MMP1: variants seen among roughly 807,000 people sequenced by gnomAD.
MMP1 encodes the protein matrix metallopeptidase 1.
A neutral mutation model predicts 49.6 loss-of-function variants in MMP1; 51 were observed. The observed-to-expected ratio is 1.03, with a 90% CI of 0.82 to 1.30. MMP1 has a LOEUF of 1.30. Among genes scored for constraint, MMP1 ranks in the 50% most tolerant of loss-of-function variants. The pLI is 0.00. For synonymous variants in MMP1, 230 were observed against 196.8 expected (o/e 1.17, Z -1.41); for missense variants, 623 against 568.7 (o/e 1.10, Z -0.97).
rs1858256527 is a variant in MMP1 at position 102,798,064 on chromosome 11, A to G, written c.29T>C (p.Leu10Pro). Residue 10 changes from leucine (L) to proline (P), a missense_variant, in exon 1 of 10, where the codon CTG becomes CCG. Transcript: ENST00000315274. ...GTGAGACACCACACCCCAGAACAGC[A>G]GCAGCAGCAGTGGAGGAAAGCTGTG... MHSFPPLLL[L>P]LFWGVVSHSF... The G allele has an allele frequency of 2.5e-6, 4 of 1,612,478 alleles. 1 individual carries two copies. The Admixed American group carries it at 6.7e-5, about 27-fold the overall frequency.
At chr11:102,796,480 C>G (rs1858194245) in intron 4 of MMP1, among the ~76,000 whole-genome samples, 184 bp downstream of exon 4, 1 of 152,182 alleles carries the variant, frequency 6.6e-6, no homozygotes, top group African/African-American at 2.4e-5. Context: ...GTTGTCACTG[C>G]TAAGATGTTG....
At chr11:102,796,826 C>A (rs777151118) in intron 3 of MMP1, 37 bp from the exon 4 acceptor site, 4 of 1,603,900 alleles carry the variant, frequency 2.5e-6, no homozygotes, top group Non-Finnish European at 2.6e-6. Context: ...CCTTGTGGTT[C>A]TTATGTAAGC....
At position 102,798,104 on chromosome 11, in the gene MMP1, T is replaced by C. The variant is rs1452660668; in HGVS notation, c.-12A>G. ...GGAAAGCTGTGCATACTGGCCTTTG[T>C]CTTCTTTCTCAGTGCAAGGTAAGTG... On this transcript the variant is annotated 5_prime_UTR_variant, in exon 1 of 10. Transcript: ENST00000315274. 2 of 1,600,672 alleles carry C rather than the reference T, an allele frequency of 1.2e-6. No homozygotes were observed. Among genetic ancestry groups the C allele is most frequent in the Admixed American group, 1.7e-5 (1 of 59,006 alleles).
chr11:102,791,453 C>G lies in MMP1; in HGVS notation c.1076G>C (p.Gly359Ala), dbSNP rs1858029044. 3 of 1,613,902 alleles carry G rather than the reference C, an allele frequency of 1.9e-6. No homozygotes were observed. Among genetic ancestry groups the G allele is most frequent in the Non-Finnish European group, 2.5e-6 (3 of 1,179,890 alleles). ...GGAGCTGTAGATGTCCTTGGGGTAT[C>G]CGTGTAGCACATTCTGTCCCTGAAC... The part of the protein sequence containing the change: ...WAVQGQNVLH[G>A]YPKDIYSSFG... Residue 359 changes from glycine to alanine, a missense_variant, in exon 8 of 10, where the codon GGA becomes GCA. Coordinates refer to ENST00000315274, the MANE Select transcript of MMP1 (RefSeq NM_002421.4).
At chr11:102,795,416 C>G in intron 5 of MMP1, 36 bp downstream of exon 5, 1 of 1,608,462 alleles carries the variant, frequency 6.2e-7, no homozygotes, top group East Asian at 2.2e-5. Flanking sequence ...TAAAGACCAC[C>G]AGGCCCTTGT....
intron 7 of MMP1, among the ~76,000 whole-genome samples, chr11:102,792,303 T>C (rs1858051946): frequency 6.6e-6 from 1 of 152,210 alleles, no homozygotes; most frequent in South Asian, 2.1e-4. Context: ...TTACTTTGAG[T>C]ACTCCCAGGA....
At chr11:102,797,225 G>T in intron 2 of MMP1, 31 bp downstream of exon 2, 1 of 1,613,692 alleles carries the variant, frequency 6.2e-7, no homozygotes, top group Admixed American at 1.7e-5. Flanking sequence ...ATGGGAAATA[G>T]CTCTCTCACT....
In MMP1 at chr11:102,795,459, G is replaced by C; in HGVS notation, c.774C>G (p.Ala258=). 6.2e-7 allele frequency: 1 copy of C among 1,613,438 alleles called. No individual in the cohort carries two copies. The highest frequency in any genetic ancestry group is 8.5e-7 in the Non-Finnish European group (1 of 1,179,866). ...LAQDDIDGIQ[A]IYGRSQNPVQ... is the part of the protein sequence containing the mutation. ...GTTTTTCCCCATACTCACCATATATGGCTTGGATGCCATCAATGTCATCCT... is the reference window on the plus strand; with the variant it reads ...GTTTTTCCCCATACTCACCATATATCGCTTGGATGCCATCAATGTCATCCT... Residue 258 remains alanine, a synonymous_variant, in exon 5 of 10, where the codon GCC becomes GCG. Transcript: ENST00000315274.
intron 8 of MMP1, 30 bp from the exon 9 acceptor site, chr11:102,790,836 C>G (rs781660659): frequency 2.4e-6 from 3 of 1,275,178 alleles, no homozygotes; most frequent in Non-Finnish European, 3.4e-6. Context: ...GAGTGTCAGA[C>G]CTTTTGCTAA....
intron 6 of MMP1, among the ~76,000 whole-genome samples, chr11:102,794,000 T>G (rs180887597): frequency 2.9e-4 from 44 of 152,356 alleles, no homozygotes; most frequent in Admixed American, 2.5e-3. Context: ...TGGCGACATT[T>G]AAATGATCTC....
At chr11:102,792,917 C>T (rs979786701) in intron 6 of MMP1, among the ~76,000 whole-genome samples, 179 bp from the exon 7 acceptor site, 3 of 152,058 alleles carry the variant, frequency 2.0e-5, no homozygotes, top group Admixed American at 6.6e-5. Flanking sequence ...TTGAAATACT[C>T]CCATTATGAT....
At chr11:102,797,546 A>T (rs777511998) in intron 1 of MMP1, 46 bp from the exon 2 acceptor site, 2 of 1,603,250 alleles carry the variant, frequency 1.2e-6, no homozygotes, top group Non-Finnish European at 1.7e-6. Context: ...AATCTTTCTC[A>T]TTATTCTAAA....
In MMP1 at chr11:102,791,442, C is replaced by A. The variant is rs749993257; in HGVS notation, c.1087G>T (p.Asp363Tyr). Residue 363 changes from aspartate to tyrosine, a missense_variant, in exon 8 of 10, where the codon GAC becomes TAC. Physicochemically the swap from Asp to Tyr is radical, Grantham distance 160. Coordinates refer to ENST00000315274, the MANE Select transcript of MMP1 (RefSeq NM_002421.4). ...GQNVLHGYPK[D>Y]IYSSFGFPRT... is the part of the protein sequence containing the mutation. ...GGGAAGCCAAAGGAGCTGTAGATGTCCTTGGGGTATCCGTGTAGCACATTC... is the reference window on the plus strand; with the variant it reads ...GGGAAGCCAAAGGAGCTGTAGATGTACTTGGGGTATCCGTGTAGCACATTC... 1 of 1,614,020 alleles carries A rather than the reference C, an allele frequency of 6.2e-7. No homozygotes were observed. Among genetic ancestry groups the A allele is most frequent in the Non-Finnish European group, 8.5e-7 (1 of 1,179,874 alleles).
chr11:102,795,165 A>T lies in MMP1; in HGVS notation c.899+9T>A. ...AAATGCAGATCACAAAGAAGAACTG[A>T]CATCTTACCTGTCTTTAAAGAACAT... On this transcript the variant is annotated intron_variant, in intron 6 of 9. Transcript: ENST00000315274. The T allele has an allele frequency of 6.3e-7, 1 of 1,584,806 alleles. No individual in the cohort carries two copies. Among genetic ancestry groups the T allele is most frequent in the Non-Finnish European group, 8.7e-7 (1 of 1,153,538 alleles).
In MMP1 at chr11:102,797,014, C is replaced by G. The variant is rs772321761; in HGVS notation, c.499G>C (p.Asp167His). ...TTAAGGTGCTATAAGAAGAACTTAC[C>G]TCCCCTGACAAAAGATATCATGATG... Reference protein sequence around the residue: ...ADIMISFVRGDHRDNSPFDGP... With the variant: ...ADIMISFVRGHHRDNSPFDGP... The change falls in exon 3 of 10, where the codon GAT becomes CAT. Residue 167 changes from aspartate to histidine, a missense_variant and splice_region_variant. Asp to His is a moderately conservative substitution (Grantham distance 81). Transcript: ENST00000315274. 3 of 1,611,594 alleles carry G rather than the reference C, an allele frequency of 1.9e-6. No homozygotes were observed. The highest frequency in any genetic ancestry group is 1.3e-5 in the African/African-American group (1 of 74,934).
chr11:102,790,451 G>A lies in MMP1; in HGVS notation c.1371C>T (p.Leu457=). 1.9e-6 allele frequency: 3 copies of A among 1,610,744 alleles called. No individual in the cohort carries two copies. Among genetic ancestry groups the A allele is most frequent in the East Asian group, 2.2e-5 (1 of 44,794 alleles). ...FDPKTKRILT[L]QKANSWFNCR... ...AGTTGAACCAGCTATTAGCTTTCTG[G>A]AGAGTCAAAATTCTCTTCGTTTTAG... Residue 457 remains leucine, a synonymous_variant, in exon 10 of 10, where the codon CTC becomes CTT. Coordinates refer to ENST00000315274, the MANE Select transcript of MMP1 (RefSeq NM_002421.4).
rs1371395006 is a variant in MMP1 at position 102,795,206 on chromosome 11, C to A, written c.867G>T (p.Thr289=). The part of the protein sequence containing the change: ...DSKLTFDAIT[T]IRGEVMFFKD... ...TAAAGAACATCACTTCTCCCCGAAT[C>A]GTAGTTATAGCATCAAAGGTTAGCT... The change falls in exon 6 of 10, where the codon ACG becomes ACT. Residue 289 remains threonine (T), a synonymous_variant. Transcript: ENST00000315274. The A allele has an allele frequency of 6.2e-7, 1 of 1,613,982 alleles. No homozygotes were observed. The highest frequency in any genetic ancestry group is 8.5e-7 in the Non-Finnish European group (1 of 1,179,910).
chr11:102,792,488 G>A, intron 7 of MMP1, 117 bp downstream of exon 7: 2 of 1,015,200 alleles, frequency 2.0e-6, no homozygotes, highest in Non-Finnish European at 2.9e-6. Context: ...TTTGGTTGGT[G>A]AGACTGAGAT....
rs11225424 is a variant in MMP1 at position 102,792,028 on chromosome 11, T to C, written c.1034-533A>G. Among the ~76,000 whole-genome samples, 355 of 152,288 alleles carry C rather than the reference T, an allele frequency of 2.3e-3. 2 individuals carry two copies. Among genetic ancestry groups the C allele is most frequent in the African/African-American group, 8.2e-3 (339 of 41,560 alleles). ...TAAGCCCCTCATCACATAAAGCTGG[T>C]CTCATATACTAAAGCCAAGATTTCT... On this transcript the variant is annotated intron_variant, in intron 7 of 9. Coordinates refer to ENST00000315274, the MANE Select transcript of MMP1 (RefSeq NM_002421.4).
Sources: gnomAD v4.1 joint callset for allele counts (sites outside exome capture counted in the v4.1 genomes callset) on GRCh38, gnomAD v4.1.1 for gene constraint, MANE v1.5 for transcripts, NCBI Gene and HGNC (gene_info 2026-07-23, HGNC 2026-07-21) for gene names.